The following ANO2 variants were observed in gnomAD, a reference collection of about 807,000 sequenced individuals.
The protein encoded by ANO2 is anoctamin-2.
Under a neutral mutation model 124.2 loss-of-function variants are expected in ANO2, and 101 were observed. The ratio of observed to expected loss-of-function variants is 0.81; its 90% confidence interval spans 0.69 to 0.96. The LOEUF is 0.96. Ranked by LOEUF, ANO2 falls within the 40% of genes least tolerant of loss-of-function variation. ANO2 has a pLI of 0.00. For synonymous variants in ANO2, 486 were observed against 482.5 expected (o/e 1.01, Z -0.09); for missense variants, 1,293 against 1,274.5 (o/e 1.01, Z -0.22).
chr12:5,890,169 T>C (rs764131348), intron 3 of ANO2, among the ~76,000 whole-genome samples: 5 of 152,124 alleles, frequency 3.3e-5, no homozygotes, highest in Non-Finnish European at 5.9e-5. Context: ...CTGGGGAAGA[T>C]GACAAGGCCT....
chr12:5,826,437 C>CATATATATATATAT (rs10526567), intron 7 of ANO2, among the ~76,000 whole-genome samples: 1 of 144,266 alleles, frequency 6.9e-6, no homozygotes, highest in Non-Finnish European at 1.5e-5. Context: ...TTAATAAACT[C>CATATATATATATAT]ATATATATAT....
intron 3 of ANO2, among the ~76,000 whole-genome samples, chr12:5,863,034 G>A (rs1323980937): frequency 6.6e-6 from 1 of 152,050 alleles, no homozygotes; most frequent in Non-Finnish European, 1.5e-5. Flanking sequence ...ATTCTCTCTT[G>A]TCTGCTGCCA....
intron 11 of ANO2, among the ~76,000 whole-genome samples, chr12:5,747,629 A>C (rs1211730247): frequency 6.6e-6 from 1 of 152,240 alleles, no homozygotes; most frequent in African/African-American, 2.4e-5. Flanking sequence ...AGTTAAAACA[A>C]TCTGTTACAT....
chr12:5,684,859 C>T (rs11063816), intron 14 of ANO2, among the ~76,000 whole-genome samples: 56,852 of 152,062 alleles, frequency 0.37, 12,386 homozygotes, highest in East Asian at 0.59. Context: ...AGCACAGGTG[C>T]TGGAGTCAGG....
At chr12:5,655,210 G>A (rs774040140) in intron 14 of ANO2, among the ~76,000 whole-genome samples, 13 of 152,008 alleles carry the variant, frequency 8.6e-5, no homozygotes, top group Admixed American at 5.2e-4. Context: ...TTTTATCTTC[G>A]TTTTTTCACA....
In ANO2 at chr12:5,563,068, A is replaced by G. The variant is rs73040436; in HGVS notation, c.*231T>C. ...AATCCCTCAAAAGGATGCAGCTTAA[A>G]AGGGGACCTAAAAGAAACTTAAGCT... On this transcript the variant is annotated 3_prime_UTR_variant, in exon 25 of 25. Transcript: ENST00000682330. The G allele has an allele frequency of 0.055, 34,644 of 633,926 alleles. 1,260 individuals carry two copies. The highest frequency in any genetic ancestry group is 0.088 in the Middle Eastern group (200 of 2,270). 39.3% of individuals were successfully genotyped at this position (633,926 alleles called of 1,614,324 possible).
intron 20 of ANO2, among the ~76,000 whole-genome samples, chr12:5,583,580 G>A (rs1942889642): frequency 6.8e-6 from 1 of 146,946 alleles, no homozygotes; most frequent in South Asian, 2.2e-4. Context: ...GTGAACCTGG[G>A]AGGCGGAGCT....
At chr12:5,780,155 G>C (rs1952345555) in intron 10 of ANO2, among the ~76,000 whole-genome samples, 1 of 152,008 alleles carries the variant, frequency 6.6e-6, no homozygotes, top group South Asian at 2.1e-4. Flanking sequence ...ACTCTTAATT[G>C]GTTCAATAAT....
At chr12:5,782,283 T>A (rs1221279402) in intron 10 of ANO2, among the ~76,000 whole-genome samples, 1 of 152,232 alleles carries the variant, frequency 6.6e-6, no homozygotes, top group African/African-American at 2.4e-5. Context: ...AGCGTTTATA[T>A]GGTAGAGCTT....
intron 14 of ANO2, among the ~76,000 whole-genome samples, chr12:5,691,327 C>CAA (rs60573302): frequency 3.0e-3 from 264 of 86,726 alleles, no homozygotes; most frequent in African/African-American, 4.9e-3. Flanking sequence ...GACTCCATCT[C>CAA]AAAAAAAAAA....
At chr12:5,694,083 AGAGT>A (rs966282718) in intron 14 of ANO2, among the ~76,000 whole-genome samples, 49 of 152,280 alleles carry the variant, frequency 3.2e-4, no homozygotes, top group African/African-American at 1.2e-3. Context: ...TGCCTGCAAC[AGAGT>A]GAGGCCTCCA....
chr12:5,922,596 A>T, intron 2 of ANO2, 24 bp downstream of exon 2: 1 of 789,776 alleles, frequency 1.3e-6, no homozygotes. Context: ...CTATCCCCCC[A>T]CCCCACCCCC....
chr12:5,806,209 T>C lies in ANO2; in HGVS notation c.949-116A>G, dbSNP rs946743063. ...ATCATTGCTTTTTTTTCATTCCCAT[T>C]TAAGGAAGGTCAAAAGCATGGCATG... On this transcript the variant is annotated intron_variant, in intron 8 of 24. Coordinates refer to ENST00000682330, the MANE Select transcript of ANO2 (RefSeq NM_001364791.2). 10 of 1,072,650 alleles carry C rather than the reference T, an allele frequency of 9.3e-6. No homozygotes were observed. In the Admixed American group the frequency reaches 2.5e-4, roughly 27 times the overall value. The allele number at this position is 1,072,650 out of a possible 1,614,324, so 66.4% of individuals were successfully genotyped here. A position where few individuals can be genotyped will look rare whatever the true frequency, so the allele number is the denominator to read the frequency against.
intron 14 of ANO2, among the ~76,000 whole-genome samples, chr12:5,717,550 C>G (rs1452240882): frequency 3.3e-5 from 5 of 152,180 alleles, no homozygotes; most frequent in Non-Finnish European, 7.3e-5. Context: ...CTGTAAGATA[C>G]GTAAGTAACT....
intron 23 of ANO2, among the ~76,000 whole-genome samples, chr12:5,571,142 C>A (rs1374452305): frequency 6.6e-6 from 1 of 152,326 alleles, no homozygotes; most frequent in East Asian, 1.9e-4. Context: ...CACCTCCAAG[C>A]AGACCCGCTG....
chr12:5,823,175 C>A (rs926956264), intron 7 of ANO2, among the ~76,000 whole-genome samples: 1 of 152,174 alleles, frequency 6.6e-6, no homozygotes, highest in African/African-American at 2.4e-5. Context: ...ACCAATCATG[C>A]CTTCCCAACA....
At chr12:5,712,348 G>A (rs976997520) in intron 14 of ANO2, among the ~76,000 whole-genome samples, 1 of 152,148 alleles carries the variant, frequency 6.6e-6, no homozygotes, top group Non-Finnish European at 1.5e-5. Flanking sequence ...AGATCATCAT[G>A]GATTTAGGGT....
chr12:5,940,911 T>C (rs1591819486), intron 1 of ANO2, among the ~76,000 whole-genome samples: 1 of 152,304 alleles, frequency 6.6e-6, no homozygotes, highest in East Asian at 1.9e-4. Flanking sequence ...AGGAAATAGA[T>C]TTCAGCTATA....
chr12:5,690,019 A>G (rs1006866191), intron 14 of ANO2, among the ~76,000 whole-genome samples: 4 of 152,174 alleles, frequency 2.6e-5, no homozygotes, highest in Non-Finnish European at 4.4e-5. Context: ...CCACTTGCAG[A>G]AACTGGCTCT....
Sources: gnomAD v4.1 joint callset for allele counts (sites outside exome capture counted in the v4.1 genomes callset) on GRCh38, gnomAD v4.1.1 for gene constraint, MANE v1.5 for transcripts, NCBI Gene and HGNC (gene_info 2026-07-23, HGNC 2026-07-21) for gene names.